The following GFM2 variants were observed in gnomAD, a reference collection of about 807,000 sequenced individuals.
The protein encoded by GFM2 is GTP dependent ribosome recycling factor mitochondrial 2.
GFM2 carries 72 observed loss-of-function variants against 95.4 expected under a neutral mutation model. The observed-to-expected ratio is 0.76, with a 90% confidence interval of 0.62 to 0.92. The LOEUF is 0.92. Ranked by LOEUF, GFM2 falls within the 40% of genes least tolerant of loss-of-function variation. The probability of loss-of-function intolerance (pLI) is 0.00; values close to 1 mark genes in which losing one functional copy is unlikely to be tolerated. For missense variants in GFM2, 825 were observed against 924.1 expected (o/e 0.89, Z 1.39); for synonymous variants, 276 against 317.5 (o/e 0.87, Z 1.39).
intron 3 of GFM2, among the ~76,000 whole-genome samples, chr5:74,760,325 T>C (rs1358426468): frequency 6.6e-6 from 1 of 152,186 alleles, no homozygotes; most frequent in South Asian, 2.1e-4. Context: ...AGTATTTTTA[T>C]TCTATTATTC....
chr5:74,748,963 TAAAG>T (rs1257134548), intron 7 of GFM2, among the ~76,000 whole-genome samples: 13 of 146,482 alleles, frequency 8.9e-5, no homozygotes, highest in East Asian at 8.0e-4. Context: ...TAAAATAAAA[TAAAG>T]AAACTTCCAA....
At chr5:74,723,267 T>G (rs1326002731) in intron 19 of GFM2, among the ~76,000 whole-genome samples, 2 of 152,172 alleles carry the variant, frequency 1.3e-5, no homozygotes, top group East Asian at 3.8e-4. Context: ...AAACGTTAAA[T>G]CCTATGCAGC....
At chr5:74,738,277 T>C in intron 14 of GFM2, 41 bp downstream of exon 14, 2 of 1,471,810 alleles carry the variant, frequency 1.4e-6, no homozygotes, top group Non-Finnish European at 1.9e-6. Flanking sequence ...TAATTAAATA[T>C]TTAAGCTGTT....
At position 74,751,412 on chromosome 5, in the gene GFM2, G is replaced by C. The variant is rs746336397; in HGVS notation, c.386C>G (p.Thr129Arg). 8 of 1,612,466 alleles carry C rather than the reference G, an allele frequency of 5.0e-6. No individual in the cohort carries two copies. The highest frequency in any genetic ancestry group is 5.9e-6 in the Non-Finnish European group (7 of 1,178,672). The change falls in exon 6 of 21, where the codon ACA becomes AGA. Residue 129 changes from threonine to arginine, a missense_variant. Transcript: ENST00000296805. Reference sequence around the variant, plus strand: ...GACTCTATAACCTTTCCAATCAAATGTAACAGCAGCTGATTGAATAGTAAT... The same window carrying C: ...GACTCTATAACCTTTCCAATCAAATCTAACAGCAGCTGATTGAATAGTAAT... The part of the protein sequence containing the change: ...RGITIQSAAV[T>R]FDWKGYRVNL...
chr5:74,728,057 G>A (rs182715014), intron 17 of GFM2, among the ~76,000 whole-genome samples: 220 of 152,160 alleles, frequency 1.4e-3, no homozygotes, highest in African/African-American at 4.9e-3. Flanking sequence ...TCTTCTACAA[G>A]TTAGACTTTT....
chr5:74,729,161 C>A (rs1488656561), intron 17 of GFM2, among the ~76,000 whole-genome samples: 1 of 152,152 alleles, frequency 6.6e-6, no homozygotes, highest in African/African-American at 2.4e-5. Context: ...GAACTAAGTT[C>A]TTCTTGGTCT....
In GFM2 at chr5:74,726,054, GT is replaced by G. The variant is rs761686309; in HGVS notation, c.1798del (p.Thr600HisfsTer7). On this transcript the variant is annotated frameshift_variant, in exon 18 of 21. Transcript: ENST00000296805. LOFTEE classifies it high-confidence loss of function. Reference protein sequence around the residue: ...TVEVEARPIETSSVMPVIEFE... With the variant: ...TVEVEARPIEXSSVMPVIEFE... Reference sequence around the variant, plus strand: ...CTCAATCACAGGCATAACAGATGATGTTTCAATTGGCCTTGCTTCCACTTCT... The same window carrying G: ...CTCAATCACAGGCATAACAGATGATGTTCAATTGGCCTTGCTTCCACTTCT... 1.2e-6 allele frequency: 2 copies of G among 1,613,444 alleles called. No homozygotes were observed. The highest frequency in any genetic ancestry group is 2.2e-5 in the South Asian group (2 of 91,018).
At chr5:74,738,684 C>A (rs752142132) in intron 12 of GFM2, 42 bp from the exon 13 acceptor site, 30 of 1,557,988 alleles carry the variant, frequency 1.9e-5, no homozygotes, top group Middle Eastern at 3.4e-4. Flanking sequence ...AAATACACTT[C>A]CCATAACTGC....
chr5:74,745,980 G>T (rs1005353046), intron 9 of GFM2, 123 bp from the exon 10 acceptor site: 2 of 1,064,644 alleles, frequency 1.9e-6, no homozygotes, highest in Non-Finnish European at 2.7e-6. Context: ...ACTATAATCT[G>T]TGGCTATTTC....
At chr5:74,742,398 A>G (rs533848801) in intron 10 of GFM2, among the ~76,000 whole-genome samples, 56 of 152,152 alleles carry the variant, frequency 3.7e-4, no homozygotes, top group Admixed American at 1.2e-3. Context: ...CCACTTACCC[A>G]CTTGTTCAAA....
intron 3 of GFM2, among the ~76,000 whole-genome samples, 153 bp downstream of exon 3, chr5:74,760,749 T>C (rs886637043): frequency 6.6e-6 from 1 of 152,110 alleles, no homozygotes; most frequent in African/African-American, 2.4e-5. Context: ...CTGGCACCTA[T>C]CTGAACACTC....
chr5:74,729,098 C>A (rs1231160135), intron 17 of GFM2, among the ~76,000 whole-genome samples: 4 of 152,008 alleles, frequency 2.6e-5, no homozygotes, highest in Admixed American at 2.0e-4. Flanking sequence ...TGGAGAAGCC[C>A]TTTTTTCCAG....
intron 19 of GFM2, among the ~76,000 whole-genome samples, chr5:74,724,745 T>C (rs1021614077): frequency 2.0e-5 from 3 of 152,116 alleles, no homozygotes; most frequent in Non-Finnish European, 4.4e-5. Flanking sequence ...CTACAGAAAA[T>C]TGGGTCTCAA....
intron 2 of GFM2, among the ~76,000 whole-genome samples, chr5:74,761,926 C>T (rs1744302915): frequency 6.6e-6 from 1 of 152,072 alleles, no homozygotes; most frequent in African/African-American, 2.4e-5. Flanking sequence ...CATTAGTTAC[C>T]AAGTTTCTGG....
At chr5:74,759,322 T>C in intron 4 of GFM2, 47 bp downstream of exon 4, 1 of 1,123,582 alleles carries the variant, frequency 8.9e-7, no homozygotes. Flanking sequence ...AACCTGTAAA[T>C]TTTCGTGACA....
chr5:74,722,608 T>C, intron 19 of GFM2, 47 bp from the exon 20 acceptor site: 1 of 1,471,896 alleles, frequency 6.8e-7, no homozygotes, highest in South Asian at 1.2e-5. Flanking sequence ...AATAAAAACT[T>C]AAAATAAATA....
intron 11 of GFM2, among the ~76,000 whole-genome samples, chr5:74,740,933 T>TA (rs1460097997): frequency 1.4e-4 from 22 of 152,162 alleles, no homozygotes; most frequent in African/African-American, 5.3e-4. Context: ...TGGCAACTCT[T>TA]ACGTTTCATA....
At chr5:74,721,980 T>C (rs925655678) in intron 20 of GFM2, among the ~76,000 whole-genome samples, 197 bp from the exon 21 acceptor site, 10 of 152,106 alleles carry the variant, frequency 6.6e-5, no homozygotes, top group African/African-American at 2.4e-4. Context: ...GAAAGCAGAG[T>C]AGTGCAAGTG....
intron 1 of GFM2, among the ~76,000 whole-genome samples, chr5:74,765,360 G>T (rs1180601278): frequency 1.3e-5 from 2 of 152,092 alleles, no homozygotes; most frequent in African/African-American, 4.8e-5. Flanking sequence ...TGCCTCTACC[G>T]TAGTCAGGGG....
Sources: gnomAD v4.1 joint callset for allele counts (sites outside exome capture counted in the v4.1 genomes callset) on GRCh38, gnomAD v4.1.1 for gene constraint, MANE v1.5 for transcripts, NCBI Gene and HGNC (gene_info 2026-07-23, HGNC 2026-07-21) for gene names.